The following ARID5B variants were observed in gnomAD, a reference collection of about 807,000 sequenced individuals.
The protein encoded by ARID5B is AT-rich interaction domain 5B, also known as AT-rich interactive domain-containing protein 5B.
Under a neutral mutation model 97.2 loss-of-function variants are expected in ARID5B, and 13 were observed. The observed-to-expected ratio is 0.13, with a 90% CI of 0.09 to 0.21. The LOEUF is 0.21. Ranked by LOEUF, ARID5B falls within the 10% of genes least tolerant of loss-of-function variation. ARID5B has a pLI of 1.00. For missense variants in ARID5B, 1,210 were observed against 1,465.3 expected (o/e 0.83, Z 2.84); for synonymous variants, 556 against 570.3 (o/e 0.97, Z 0.36).
intron 4 of ARID5B, among the ~76,000 whole-genome samples, chr10:62,042,009 CTCTT>C (rs1316082636): frequency 1.3e-5 from 2 of 152,302 alleles, no homozygotes; most frequent in Non-Finnish European, 2.9e-5. Flanking sequence ...AAAATTAACT[CTCTT>C]TGTTTAAGAG....
chr10:62,071,238 G>T (rs1033997972), intron 8 of ARID5B, among the ~76,000 whole-genome samples: 4 of 152,092 alleles, frequency 2.6e-5, no homozygotes, highest in Admixed American at 1.3e-4. Flanking sequence ...GTTTCACCAT[G>T]TTGGCCAGGA....
At chr10:62,026,546 C>T (rs775140083) in intron 4 of ARID5B, among the ~76,000 whole-genome samples, 11 of 152,032 alleles carry the variant, frequency 7.2e-5, no homozygotes, top group South Asian at 2.1e-4. Context: ...TGTCAGATTC[C>T]GTAGATAAAG....
rs1445706711 is a variant in ARID5B, at chr10:61,943,306, A to G, written c.502+2898A>G. On this transcript the variant is annotated intron_variant, in intron 3 of 9. Coordinates refer to ENST00000279873, the MANE Select transcript of ARID5B (RefSeq NM_032199.3). Reference sequence around the variant, plus strand: ...GTTGTCTGTACTTTTCTTTCTCCGCAGTGGTTTTCTTATCTCCTTTTCTGT... The same window carrying G: ...GTTGTCTGTACTTTTCTTTCTCCGCGGTGGTTTTCTTATCTCCTTTTCTGT... 2.0e-5 allele frequency among the ~76,000 whole-genome samples: 3 copies of G among 152,080 alleles called. No individual in the cohort carries two copies. The East Asian group carries it at 5.8e-4, about 29-fold the overall frequency.
chr10:62,051,454 A>T (rs1394644527), intron 5 of ARID5B, among the ~76,000 whole-genome samples: 1 of 152,178 alleles, frequency 6.6e-6, no homozygotes, highest in Admixed American at 6.5e-5. Context: ...TTAGTTATGT[A>T]TTTTTCAAAG....
At chr10:61,929,437 G>A (rs1844166323) in intron 2 of ARID5B, among the ~76,000 whole-genome samples, 1 of 152,094 alleles carries the variant, frequency 6.6e-6, no homozygotes, top group African/African-American at 2.4e-5. Flanking sequence ...CTGTTACTGG[G>A]TACAACACAG....
At chr10:61,926,082 A>G (rs1009344365) in intron 2 of ARID5B, among the ~76,000 whole-genome samples, 2 of 152,246 alleles carry the variant, frequency 1.3e-5, no homozygotes, top group African/African-American at 4.8e-5. Context: ...ATGTTAAGGG[A>G]GTCAAATTAA....
rs187429419 is a variant in ARID5B, at chr10:62,093,851, T to G, written c.*821T>G. ...AAGCAACTGATTCTAGTGGAACAAA[T>G]GAAAAAGAAACAGTCAAGCACACAA... On this transcript the variant is annotated 3_prime_UTR_variant, in exon 10 of 10. Coordinates refer to ENST00000279873, the MANE Select transcript of ARID5B (RefSeq NM_032199.3). 1 of 233,556 alleles carries G rather than the reference T, an allele frequency of 4.3e-6. No individual in the cohort carries two copies. Among genetic ancestry groups the G allele is most frequent in the Admixed American group, 5.6e-5 (1 of 17,796 alleles). The allele number at this position is 233,556 out of a possible 1,614,324, so 14.5% of individuals were successfully genotyped here. A position where few individuals can be genotyped will look rare whatever the true frequency, so the allele number is the denominator to read the frequency against.
intron 3 of ARID5B, among the ~76,000 whole-genome samples, chr10:61,945,240 G>A (rs564132045): frequency 6.6e-6 from 1 of 151,900 alleles, no homozygotes; most frequent in South Asian, 2.1e-4. Flanking sequence ...TTCCTTTCTA[G>A]ACTTAAATTT....
chr10:62,031,185 G>A (rs1006981612), intron 4 of ARID5B, among the ~76,000 whole-genome samples: 5 of 152,284 alleles, frequency 3.3e-5, no homozygotes, highest in East Asian at 1.9e-4. Context: ...AGTAAGCCAC[G>A]ACCATGCCAT....
chr10:61,956,992 C>T (rs987492766), intron 3 of ARID5B, among the ~76,000 whole-genome samples: 5 of 152,222 alleles, frequency 3.3e-5, no homozygotes, highest in East Asian at 1.9e-4. Flanking sequence ...CAGCCTCAAC[C>T]GCTTCCAGGC....
chr10:61,935,324 G>T (rs151060952), intron 2 of ARID5B, among the ~76,000 whole-genome samples: 1 of 152,250 alleles, frequency 6.6e-6, no homozygotes, highest in African/African-American at 2.4e-5. Flanking sequence ...CTCAGTCAGT[G>T]CGTGGATAAA....
intron 3 of ARID5B, among the ~76,000 whole-genome samples, chr10:61,979,650 A>T (rs1838749691): frequency 6.6e-6 from 1 of 152,152 alleles, no homozygotes; most frequent in Non-Finnish European, 1.5e-5. Context: ...TCCTTAGCAA[A>T]CCAGGGGTCT....
At chr10:62,010,658 T>C (rs147857226) in intron 4 of ARID5B, among the ~76,000 whole-genome samples, 1 of 152,360 alleles carries the variant, frequency 6.6e-6, no homozygotes, top group African/African-American at 2.4e-5. Context: ...ACATTGTTCG[T>C]AATCTGGTCA....
chr10:61,997,574 CAT>C (rs1277454606), intron 3 of ARID5B, among the ~76,000 whole-genome samples: 1 of 152,138 alleles, frequency 6.6e-6, no homozygotes, highest in Non-Finnish European at 1.5e-5. Flanking sequence ...TTACCCCTAT[CAT>C]AGAAAGCTAA....
chr10:61,920,550 G>A (rs1843996121), intron 2 of ARID5B, among the ~76,000 whole-genome samples: 1 of 151,790 alleles, frequency 6.6e-6, no homozygotes, highest in South Asian at 2.1e-4. Context: ...TGGCCAGGCT[G>A]GTCTCGAACT....
At chr10:62,022,631 G>T (rs542201817) in intron 4 of ARID5B, among the ~76,000 whole-genome samples, 33 of 152,312 alleles carry the variant, frequency 2.2e-4, no homozygotes, top group African/African-American at 7.5e-4. Context: ...TCCTGGTCAT[G>T]TGACAGGAAC....
chr10:61,978,392 TGAA>T (rs1417528913), intron 3 of ARID5B, among the ~76,000 whole-genome samples: 1 of 152,238 alleles, frequency 6.6e-6, no homozygotes, highest in Non-Finnish European at 1.5e-5. Flanking sequence ...TCCAATTCTG[TGAA>T]GAAGGTCATT....
intron 4 of ARID5B, among the ~76,000 whole-genome samples, chr10:62,041,975 CAAAA>C (rs1458391099): frequency 2.0e-5 from 3 of 151,814 alleles, no homozygotes; most frequent in African/African-American, 7.3e-5. Flanking sequence ...TTGATTGTAA[CAAAA>C]AGAAAAAAGA....
At chr10:61,932,413 CTT>C (rs200321468) in intron 2 of ARID5B, among the ~76,000 whole-genome samples, 23 of 135,444 alleles carry the variant, frequency 1.7e-4, no homozygotes, top group Admixed American at 2.2e-4. Flanking sequence ...TTTTCTTTTT[CTT>C]TTTTTTTTTT....
Sources: allele counts gnomAD v4.1 joint callset (sites outside exome capture counted in the v4.1 genomes callset), GRCh38; gene constraint gnomAD v4.1.1; transcripts MANE v1.5; gene names NCBI Gene and HGNC (gene_info 2026-07-23, HGNC 2026-07-21).